CALD1: variants seen among roughly 807,000 people sequenced by gnomAD.
The protein encoded by CALD1 is caldesmon.
In CALD1, 33 loss-of-function variants were observed where a neutral mutation model predicts 99.9. The ratio of observed to expected loss-of-function variants is 0.33; its 90% confidence interval spans 0.25 to 0.44. CALD1 has a LOEUF of 0.44. CALD1 is among the 20% of genes least tolerant of loss of function. The pLI, the probability that CALD1 is intolerant of heterozygous loss-of-function variation, is 1.00. For missense variants in CALD1, 861 were observed against 962.1 expected (o/e 0.89, Z 1.39); for synonymous variants, 310 against 325.0 (o/e 0.95, Z 0.50).
chr7:134,808,267 AT>A (rs35027860), intron 1 of CALD1, among the ~76,000 whole-genome samples: 5 of 149,314 alleles, frequency 3.3e-5, no homozygotes, highest in East Asian at 2.0e-4. Flanking sequence ...TGCTGGGCTA[AT>A]TTTTTTTTTA....
At chr7:134,911,684 T>C (rs941988594) in intron 3 of CALD1, among the ~76,000 whole-genome samples, 1 of 152,226 alleles carries the variant, frequency 6.6e-6, no homozygotes, top group Non-Finnish European at 1.5e-5. Flanking sequence ...AGTTCACCTC[T>C]TATTCAGGTA....
At chr7:134,768,419 T>C (rs1041111067) in intron 1 of CALD1, among the ~76,000 whole-genome samples, 2 of 152,128 alleles carry the variant, frequency 1.3e-5, no homozygotes, top group African/African-American at 4.8e-5. Flanking sequence ...GTGGCTTAAG[T>C]TATTACTCCT....
intron 13 of CALD1, chr7:134,962,692 A>T: frequency 2.6e-6 from 1 of 381,050 alleles, no homozygotes; most frequent in Non-Finnish European, 5.2e-6. Context: ...CTGCAATTCA[A>T]TTCTGAGTAT....
chr7:134,711,628 TTC>T, the CALD1 span, among the ~76,000 whole-genome samples: 157 of 63,976 alleles, frequency 2.5e-3, 2 homozygotes, highest in Admixed American at 2.8e-3. Context: ...CAACCTCAGC[TTC>T]TCTCTCTCTC....
chr7:134,718,847 A>G, the CALD1 span, among the ~76,000 whole-genome samples: 1 of 152,110 alleles, frequency 6.6e-6, no homozygotes, highest in African/African-American at 2.4e-5. Context: ...TGGAGTTTTT[A>G]TTTCCCCAAA....
chr7:134,729,837 C>A, the CALD1 span, among the ~76,000 whole-genome samples: 1 of 152,176 alleles, frequency 6.6e-6, no homozygotes, highest in Non-Finnish European at 1.5e-5. Flanking sequence ...AAGATAGCAA[C>A]ATGTGTAACA....
At chr7:134,851,122 C>A (rs1213388323) in intron 2 of CALD1, among the ~76,000 whole-genome samples, 1 of 151,720 alleles carries the variant, frequency 6.6e-6, no homozygotes, top group Admixed American at 6.5e-5. Flanking sequence ...GCATTTTTTT[C>A]AAATTTTGAG....
intron 6 of CALD1, among the ~76,000 whole-genome samples, chr7:134,936,273 G>A (rs1025839309): frequency 1.3e-5 from 2 of 152,182 alleles, no homozygotes; most frequent in Non-Finnish European, 2.9e-5. Flanking sequence ...CAAAAGAAAA[G>A]TTTGGCCAAA....
chr7:134,888,910 G>A (rs996848513), intron 3 of CALD1, among the ~76,000 whole-genome samples: 8 of 152,206 alleles, frequency 5.3e-5, no homozygotes, highest in African/African-American at 1.9e-4. Flanking sequence ...CATGGATTCT[G>A]CACATGAGTG....
intron 1 of CALD1, among the ~76,000 whole-genome samples, chr7:134,806,431 T>C (rs1348088472): frequency 6.6e-6 from 1 of 152,234 alleles, no homozygotes; most frequent in Non-Finnish European, 1.5e-5. Context: ...GTTCCAGTTT[T>C]CTGCCGTGTT....
intron 1 of CALD1, among the ~76,000 whole-genome samples, chr7:134,792,673 G>C (rs1327439539): frequency 4.6e-5 from 7 of 152,112 alleles, no homozygotes; most frequent in Admixed American, 1.3e-4. Flanking sequence ...CCTCTGTAAA[G>C]ACCCTATCTC....
rs1270797918 is a variant in CALD1, at chr7:134,783,260, C to T, written c.-130+3511C>T. On this transcript the variant is annotated intron_variant, in intron 1 of 14. Transcript: ENST00000361675. This position sits in a 1 kb window ranked among gnomAD's most constrained non-coding sequence, Gnocchi z 4.3. ...CTTTAGTGCTCCCAGCTGTAACCGA[C>T]CCTAGTTGCATCCCTAACTTCCTTA... Among the ~76,000 whole-genome samples the T allele has an allele frequency of 6.6e-6, 1 of 152,162 alleles. No individual in the cohort carries two copies. Among genetic ancestry groups the T allele is most frequent in the Admixed American group, 6.5e-5 (1 of 15,284 alleles).
At chr7:134,796,608 T>C (rs751995051) in intron 1 of CALD1, among the ~76,000 whole-genome samples, 18 of 152,136 alleles carry the variant, frequency 1.2e-4, no homozygotes, top group Non-Finnish European at 2.2e-4. Flanking sequence ...TAGAGATAGA[T>C]AGAGTCTCAC....
At chr7:134,800,169 A>G (rs1797889385) in intron 1 of CALD1, among the ~76,000 whole-genome samples, 1 of 152,214 alleles carries the variant, frequency 6.6e-6, no homozygotes, top group African/African-American at 2.4e-5. Context: ...AATTTGTGTC[A>G]AAGTATTTAA....
intron 11 of CALD1, among the ~76,000 whole-genome samples, chr7:134,958,836 AG>A (rs1402061275): frequency 6.8e-6 from 1 of 147,394 alleles, no homozygotes; most frequent in Non-Finnish European, 1.5e-5. Flanking sequence ...TTTAATGAAA[AG>A]GTTTTTTTGT....
intron 3 of CALD1, among the ~76,000 whole-genome samples, chr7:134,897,375 AATATATATATATAAATAT>A (rs1380003224): frequency 6.9e-4 from 102 of 147,568 alleles, no homozygotes; most frequent in African/African-American, 2.4e-3. Flanking sequence ...ACCTATATAC[AATATATATATATAAATAT>A]ATATATATAT....
chr7:134,717,051 T>A, the CALD1 span, among the ~76,000 whole-genome samples: 2 of 152,190 alleles, frequency 1.3e-5, no homozygotes, highest in Non-Finnish European at 2.9e-5. Flanking sequence ...TATATTTAAT[T>A]TTTAGGACGG....
chr7:134,754,839 A>C (rs1796714263), intron 1 of CALD1, among the ~76,000 whole-genome samples: 1 of 152,166 alleles, frequency 6.6e-6, no homozygotes, highest in East Asian at 1.9e-4. Flanking sequence ...TGTGTGTGTG[A>C]AGGTTTCTTT....
intron 1 of CALD1, among the ~76,000 whole-genome samples, chr7:134,835,548 A>G (rs1045253723): frequency 2.0e-5 from 3 of 152,348 alleles, no homozygotes; most frequent in South Asian, 4.1e-4. Context: ...TTAAACAAAC[A>G]AGAACATATT....
Sources: allele counts gnomAD v4.1 joint callset (sites outside exome capture counted in the v4.1 genomes callset), GRCh38; gene constraint gnomAD v4.1.1; non-coding constraint Gnocchi (gnomAD v3.1); transcripts MANE v1.5; gene names NCBI Gene and HGNC (gene_info 2026-07-23, HGNC 2026-07-21).